DPP10: variants seen among roughly 807,000 people sequenced by gnomAD.
The protein encoded by DPP10 is dipeptidyl peptidase like 10.
A neutral mutation model predicts 120.9 loss-of-function variants in DPP10; 33 were observed. That is an observed-to-expected ratio of 0.27 (90% CI 0.21 to 0.37). DPP10 has a LOEUF of 0.37. Ranked by LOEUF, DPP10 falls within the 10% of genes least tolerant of loss-of-function variation. The pLI, the probability that DPP10 is intolerant of heterozygous loss-of-function variation, is 1.00. For missense variants in DPP10, 816 were observed against 942.8 expected (o/e 0.87, Z 1.76); for synonymous variants, 337 against 326.1 (o/e 1.03, Z -0.36).
chr2:115,520,604 A>C (rs1305130906), intron 4 of DPP10, among the ~76,000 whole-genome samples: 1 of 152,094 alleles, frequency 6.6e-6, no homozygotes, highest in Non-Finnish European at 1.5e-5. Flanking sequence ...TCCCTACTAC[A>C]CAGTTCCTAA....
At chr2:114,613,574 A>G (rs1012676261) in intron 1 of DPP10, among the ~76,000 whole-genome samples, 2 of 152,210 alleles carry the variant, frequency 1.3e-5, no homozygotes, top group Admixed American at 1.3e-4. Flanking sequence ...TCAAAGATCT[A>G]GAACCAGTAA....
intron 1 of DPP10, among the ~76,000 whole-genome samples, chr2:115,157,562 T>C (rs1165389552): frequency 6.6e-6 from 1 of 152,238 alleles, no homozygotes; most frequent in Non-Finnish European, 1.5e-5. Context: ...AGTAAATTCC[T>C]GTTATAGTTT....
chr2:115,300,869 G>C (rs2061094731), intron 1 of DPP10, among the ~76,000 whole-genome samples: 1 of 151,954 alleles, frequency 6.6e-6, no homozygotes, highest in Non-Finnish European at 1.5e-5. Context: ...TTGATCTTTT[G>C]AAAGGGCTGG....
rs78270842 is a variant in DPP10 at position 114,967,252 on chromosome 2, G to A, written c.61-341987G>A. Among the ~76,000 whole-genome samples the A allele has an allele frequency of 1.4e-4, 22 of 152,268 alleles. 1 individual carries two copies. In the East Asian group the frequency reaches 4.3e-3, roughly 29 times the overall value. ...CAGAGGAAAACAATTGATAATTATT[G>A]GAACAGTGCTATGGAGCAAGTGAGA... On this transcript the variant is annotated intron_variant, in intron 1 of 25. Coordinates refer to ENST00000410059, the MANE Select transcript of DPP10 (RefSeq NM_020868.6).
chr2:115,118,625 T>G (rs1222453173), intron 1 of DPP10, among the ~76,000 whole-genome samples: 1 of 152,152 alleles, frequency 6.6e-6, no homozygotes, highest in African/African-American at 2.4e-5. Context: ...TCACTCAGGC[T>G]GGAGTGCAGT....
intron 4 of DPP10, among the ~76,000 whole-genome samples, chr2:115,515,995 C>T (rs1204105059): frequency 6.6e-6 from 1 of 152,068 alleles, no homozygotes; most frequent in Non-Finnish European, 1.5e-5. Flanking sequence ...TCTTAGCATT[C>T]TACACACTTC....
chr2:115,047,909 G>A (rs565378000), intron 1 of DPP10, among the ~76,000 whole-genome samples: 5 of 152,158 alleles, frequency 3.3e-5, no homozygotes, highest in Non-Finnish European at 5.9e-5. Context: ...TCCTCCATTT[G>A]TCATGAATTG....
At chr2:115,374,756 A>T in intron 3 of DPP10, among the ~76,000 whole-genome samples, 1 of 152,206 alleles carries the variant, frequency 6.6e-6, no homozygotes, top group Middle Eastern at 3.2e-3. Flanking sequence ...AGCCACCAAG[A>T]CTTGAGGCTT....
intron 1 of DPP10, among the ~76,000 whole-genome samples, chr2:114,950,447 AC>A (rs1697697021): frequency 2.0e-5 from 3 of 150,370 alleles, no homozygotes; most frequent in Admixed American, 1.3e-4. Context: ...GGTTCCCGCC[AC>A]CACGCCCCGG....
At chr2:114,876,348 A>G (rs918327514) in intron 1 of DPP10, among the ~76,000 whole-genome samples, 2 of 152,030 alleles carry the variant, frequency 1.3e-5, no homozygotes, top group African/African-American at 4.8e-5. Flanking sequence ...TTCCATTCAC[A>G]ATTTTTCCCA....
intron 5 of DPP10, among the ~76,000 whole-genome samples, chr2:115,585,838 T>C (rs2082256761): frequency 6.6e-6 from 1 of 152,126 alleles, no homozygotes. Context: ...ACCCTATACA[T>C]AGTTCTACAC....
intron 9 of DPP10, among the ~76,000 whole-genome samples, chr2:115,743,160 C>T (rs1346131896): frequency 1.3e-5 from 2 of 151,804 alleles, no homozygotes; most frequent in Admixed American, 1.3e-4. Context: ...AGATGAAAAC[C>T]CTCCAATCTG....
intron 3 of DPP10, 124 bp from the exon 4 acceptor site, chr2:115,499,386 G>T: frequency 1.5e-6 from 1 of 678,874 alleles, no homozygotes; most frequent in South Asian, 2.2e-5. Flanking sequence ...AAATCTGCTT[G>T]GGTTATTGAA....
chr2:115,553,251 A>G (rs1042831087), intron 5 of DPP10, among the ~76,000 whole-genome samples: 14 of 152,176 alleles, frequency 9.2e-5, no homozygotes, highest in Admixed American at 8.5e-4. Context: ...GGTATAAATT[A>G]TGGAATTACA....
At chr2:114,885,445 G>A (rs1187847074) in intron 1 of DPP10, among the ~76,000 whole-genome samples, 1 of 152,094 alleles carries the variant, frequency 6.6e-6, no homozygotes, top group Non-Finnish European at 1.5e-5. Flanking sequence ...ATGAGACTTG[G>A]GCAGGGACAA....
chr2:115,722,281 G>A (rs4849423), intron 7 of DPP10, among the ~76,000 whole-genome samples: 146,613 of 151,614 alleles, frequency 0.97, 71,102 homozygotes, highest in Middle Eastern at 1. Context: ...TTAACTCTTT[G>A]CAATATTTTC....
chr2:114,546,243 T>A (rs1687387415), intron 1 of DPP10, among the ~76,000 whole-genome samples: 1 of 151,710 alleles, frequency 6.6e-6, no homozygotes, highest in African/African-American at 2.4e-5. Flanking sequence ...TCTGGGGAGG[T>A]CTCAGAAAGC....
At chr2:114,729,228 A>T (rs1015095787) in intron 1 of DPP10, among the ~76,000 whole-genome samples, 28 of 152,244 alleles carry the variant, frequency 1.8e-4, no homozygotes, top group African/African-American at 6.5e-4. Context: ...TTTAATACAC[A>T]TTTCCAGTTG....
At chr2:114,767,192 C>A (rs1574139784) in intron 1 of DPP10, among the ~76,000 whole-genome samples, 8 of 78,320 alleles carry the variant, frequency 1.0e-4, no homozygotes, top group Admixed American at 1.9e-4. Flanking sequence ...AGCCAATGCT[C>A]AGGTAGGATA....
Sources: allele counts gnomAD v4.1 joint callset (sites outside exome capture counted in the v4.1 genomes callset), GRCh38; gene constraint gnomAD v4.1.1; transcripts MANE v1.5; gene names NCBI Gene and HGNC (gene_info 2026-07-23, HGNC 2026-07-21).